Variants in NRG3 observed in about 807,000 individuals in gnomAD.
NRG3 encodes neuregulin 3.
In NRG3, 31 loss-of-function variants were observed where a neutral mutation model predicts 66.9. The observed-to-expected ratio is 0.46, with a 90% CI of 0.35 to 0.63. The LOEUF (loss-of-function observed/expected upper bound fraction) is 0.63, where lower values mean the gene tolerates loss of function less well. NRG3 is among the 20% of genes least tolerant of loss of function. The probability of loss-of-function intolerance (pLI) is 0.00; values close to 1 mark genes in which losing one functional copy is unlikely to be tolerated. For synonymous variants in NRG3, 393 were observed against 359.4 expected (o/e 1.09, Z -1.06); for missense variants, 910 against 878.9 (o/e 1.04, Z -0.45).
chr10:82,957,405 G>A (rs1312591960), intron 5 of NRG3, among the ~76,000 whole-genome samples: 4 of 151,756 alleles, frequency 2.6e-5, no homozygotes, highest in South Asian at 2.1e-4. Context: ...CTCCACTGAC[G>A]GCACTATCTT....
chr10:82,407,687 C>G (rs1483571107), intron 2 of NRG3, among the ~76,000 whole-genome samples: 2 of 152,094 alleles, frequency 1.3e-5, no homozygotes, highest in African/African-American at 4.8e-5. Flanking sequence ...ACTGAACGCT[C>G]ACTCTGCCAG....
chr10:82,920,093 C>T (rs1191931170), intron 4 of NRG3, among the ~76,000 whole-genome samples: 1 of 152,126 alleles, frequency 6.6e-6, no homozygotes, highest in Non-Finnish European at 1.5e-5. Flanking sequence ...AACTAAAACT[C>T]AGGGACTTTT....
chr10:82,972,173 T>C (rs1196519786), intron 6 of NRG3, among the ~76,000 whole-genome samples: 1 of 152,160 alleles, frequency 6.6e-6, no homozygotes, highest in African/African-American at 2.4e-5. Context: ...TTTAGTTTTT[T>C]CATGTATTGT....
intron 1 of NRG3, among the ~76,000 whole-genome samples, chr10:82,167,373 C>T (rs1018702173): frequency 6.6e-6 from 1 of 151,992 alleles, no homozygotes; most frequent in Non-Finnish European, 1.5e-5. Flanking sequence ...CTTATTATTT[C>T]CCTCTCCTTA....
intron 1 of NRG3, among the ~76,000 whole-genome samples, chr10:82,150,804 C>T (rs1361724687): frequency 2.0e-5 from 3 of 152,146 alleles, no homozygotes; most frequent in African/African-American, 7.2e-5. Context: ...TTTGATTACA[C>T]ACAACCGAGA....
At chr10:82,663,309 A>G (rs764998926) in intron 2 of NRG3, among the ~76,000 whole-genome samples, 1 of 152,212 alleles carries the variant, frequency 6.6e-6, no homozygotes, top group Non-Finnish European at 1.5e-5. Flanking sequence ...TTCATCTGCC[A>G]TTGAGGTTTC....
chr10:82,575,962 C>CA (rs1195433679), intron 2 of NRG3, among the ~76,000 whole-genome samples: 1 of 151,338 alleles, frequency 6.6e-6, no homozygotes. Context: ...TAAGGAGGAT[C>CA]AAAAAAATGT....
intron 1 of NRG3, among the ~76,000 whole-genome samples, chr10:82,296,983 T>C (rs551681180): frequency 6.6e-6 from 1 of 152,280 alleles, no homozygotes; most frequent in South Asian, 2.1e-4. Context: ...TTCACCTTTA[T>C]GTCCATGTGT....
chr10:82,934,689 G>C (rs1217465841), intron 4 of NRG3, among the ~76,000 whole-genome samples: 3 of 152,128 alleles, frequency 2.0e-5, no homozygotes, highest in Non-Finnish European at 4.4e-5. Context: ...AACTTATCTG[G>C]TAAGGAAATG....
chr10:82,052,721 A>G (rs968011770), intron 1 of NRG3, among the ~76,000 whole-genome samples: 3 of 152,204 alleles, frequency 2.0e-5, no homozygotes, highest in African/African-American at 4.8e-5. Flanking sequence ...GCTCATGATA[A>G]TGATATATAA....
intron 1 of NRG3, among the ~76,000 whole-genome samples, chr10:82,093,792 G>C (rs1288808704): frequency 2.0e-5 from 3 of 152,150 alleles, no homozygotes; most frequent in African/African-American, 7.2e-5. Context: ...CCATGACAGT[G>C]TCCAGGTGGG....
chr10:82,609,812 T>A (rs749366306), intron 2 of NRG3, among the ~76,000 whole-genome samples: 2 of 152,210 alleles, frequency 1.3e-5, no homozygotes, highest in Non-Finnish European at 2.9e-5. Flanking sequence ...ATTAATGTTA[T>A]CCCACAACCC....
chr10:82,172,688 T>C (rs1190305272), intron 1 of NRG3, among the ~76,000 whole-genome samples: 1 of 152,060 alleles, frequency 6.6e-6, no homozygotes, highest in Non-Finnish European at 1.5e-5. Flanking sequence ...ATGCCTGGGG[T>C]CATGCCTTTA....
At chr10:82,928,949 T>TG (rs1462171767) in intron 4 of NRG3, among the ~76,000 whole-genome samples, 1 of 152,142 alleles carries the variant, frequency 6.6e-6, no homozygotes, top group African/African-American at 2.4e-5. Flanking sequence ...CCGAATTGCA[T>TG]GGGAGTCCCA....
intron 4 of NRG3, among the ~76,000 whole-genome samples, chr10:82,888,124 A>G (rs1254599273): frequency 6.6e-6 from 1 of 152,136 alleles, no homozygotes; most frequent in Non-Finnish European, 1.5e-5. Context: ...TCCTTGTCTA[A>G]ATGGAGCCAG....
chr10:82,986,423 T>C lies in NRG3; in HGVS notation c.*818T>C, dbSNP rs768772323. On this transcript the variant is annotated 3_prime_UTR_variant, in exon 9 of 9. Coordinates refer to ENST00000372141, the MANE Select transcript of NRG3 (RefSeq NM_001010848.4). ...GTGTGGACTTGCTCACGCGGGCACA[T>C]ATGCTGTAAGCACATGTGTTCATTG... The C allele has an allele frequency of 6.6e-6, 1 of 152,194 alleles. No homozygotes were observed. Among genetic ancestry groups the C allele is most frequent in the Non-Finnish European group, 1.5e-5 (1 of 68,046 alleles). 9.4% of individuals were successfully genotyped at this position (152,194 alleles called of 1,614,324 possible).
At chr10:82,768,160 A>G (rs766449879) in intron 3 of NRG3, among the ~76,000 whole-genome samples, 1 of 152,146 alleles carries the variant, frequency 6.6e-6, no homozygotes, top group Non-Finnish European at 1.5e-5. Flanking sequence ...GTCTAGGAGT[A>G]CGTATTGTAT....
rs542323993 is a variant in NRG3 at position 82,352,274 on chromosome 10, G to A, written c.824-6465G>A. On this transcript the variant is annotated intron_variant, in intron 1 of 8. Transcript: ENST00000372141. The stretch of plus-strand genomic sequence containing the variant: ...TCTTCCAGAAGCATACGGTTTATGG[G>A]ATAAACAAAGGGAGATAATGAAGGT... 2.0e-5 allele frequency among the ~76,000 whole-genome samples: 3 copies of A among 152,304 alleles called. No individual in the cohort carries two copies. In the South Asian group the frequency reaches 6.2e-4, roughly 32 times the overall value.
chr10:82,362,232 C>T (rs1589852571), intron 2 of NRG3, among the ~76,000 whole-genome samples: 1 of 139,510 alleles, frequency 7.2e-6, no homozygotes, highest in South Asian at 2.3e-4. Context: ...AATTATAAAG[C>T]AATTTAATTA....
Sources: gnomAD v4.1 joint callset for allele counts (sites outside exome capture counted in the v4.1 genomes callset) on GRCh38, gnomAD v4.1.1 for gene constraint, MANE v1.5 for transcripts, NCBI Gene and HGNC (gene_info 2026-07-23, HGNC 2026-07-21) for gene names.